WWOX: variants seen among roughly 807,000 people sequenced by gnomAD.
WWOX encodes the protein WW domain-containing oxidoreductase.
Under a neutral mutation model 46.2 loss-of-function variants are expected in WWOX, and 69 were observed. The observed-to-expected ratio is 1.49, with a 90% CI of 1.23 to 1.82. WWOX has a LOEUF of 1.82. Among genes scored for constraint, WWOX ranks in the 40% most tolerant of loss-of-function variants. The pLI, the probability that WWOX is intolerant of heterozygous loss-of-function variation, is 0.00. For missense variants in WWOX, 919 were observed against 542.6 expected (o/e 1.69, Z -6.89); for synonymous variants, 359 against 202.6 (o/e 1.77, Z -6.56).
chr16:78,741,975 C>G (rs748804172), intron 8 of WWOX, among the ~76,000 whole-genome samples: 2 of 152,198 alleles, frequency 1.3e-5, no homozygotes, highest in African/African-American at 4.8e-5. Flanking sequence ...ATCTCTGTCT[C>G]TCTCCCTCCT....
chr16:78,615,851 C>T (rs569210541), intron 8 of WWOX, among the ~76,000 whole-genome samples: 304 of 151,698 alleles, frequency 2.0e-3, no homozygotes, highest in Non-Finnish European at 3.0e-3. Context: ...CCCGAGTTCA[C>T]GCCATTCTCC....
At chr16:78,724,191 C>A (rs2048768911) in intron 8 of WWOX, among the ~76,000 whole-genome samples, 1 of 152,144 alleles carries the variant, frequency 6.6e-6, no homozygotes, top group Non-Finnish European at 1.5e-5. Context: ...CATTTATAAC[C>A]TGTAATTAAA....
At chr16:79,008,590 C>G (rs2047237672) in intron 8 of WWOX, among the ~76,000 whole-genome samples, 1 of 152,150 alleles carries the variant, frequency 6.6e-6, no homozygotes, top group South Asian at 2.1e-4. Context: ...GATGTTGAAA[C>G]TGAGACTTAG....
At chr16:79,022,746 C>G (rs1475939638) in intron 8 of WWOX, among the ~76,000 whole-genome samples, 7 of 152,214 alleles carry the variant, frequency 4.6e-5, no homozygotes, top group Non-Finnish European at 8.8e-5. Context: ...TGGCCCCCCA[C>G]CAAGCCCGGA....
At chr16:78,509,066 G>C (rs964337664) in intron 8 of WWOX, among the ~76,000 whole-genome samples, 1 of 152,256 alleles carries the variant, frequency 6.6e-6, no homozygotes, top group African/African-American at 2.4e-5. Context: ...CCCTTGCACA[G>C]TGGGCACTGT....
At chr16:78,606,708 C>A (rs911992725) in intron 8 of WWOX, among the ~76,000 whole-genome samples, 2 of 145,916 alleles carry the variant, frequency 1.4e-5, no homozygotes, top group African/African-American at 5.2e-5. Flanking sequence ...GGCATTTCCC[C>A]AGAATTGCAG....
At chr16:78,606,933 G>A (rs1037137009) in intron 8 of WWOX, among the ~76,000 whole-genome samples, 9 of 151,996 alleles carry the variant, frequency 5.9e-5, no homozygotes, top group African/African-American at 2.2e-4. Context: ...GGTTCACATC[G>A]CTGATTAATT....
At chr16:78,114,546 T>G (rs1019880786) in intron 3 of WWOX, among the ~76,000 whole-genome samples, 1 of 152,176 alleles carries the variant, frequency 6.6e-6, no homozygotes, top group Non-Finnish European at 1.5e-5. Flanking sequence ...AACTAAGACT[T>G]TATCATTTTG....
rs1392769646 is a variant in WWOX, at chr16:78,340,806, C to A, written c.517-46054C>A. ...CCAAGTGAGGGGGAGAGTTCTGAGT[C>A]TCTGCATTCAGTAGGTAAACATTTA... On this transcript the variant is annotated intron_variant, in intron 5 of 8. Transcript: ENST00000566780. Among the ~76,000 whole-genome samples, 2 of 118,088 alleles carry A rather than the reference C, an allele frequency of 1.7e-5. 1 individual carries two copies. Among genetic ancestry groups the A allele is most frequent in the Non-Finnish European group, 4.0e-5 (2 of 49,854 alleles). The allele number at this position is 118,088 out of a possible 152,430, so 77.5% of individuals were successfully genotyped here. A position where few individuals can be genotyped will look rare whatever the true frequency, so the allele number is the denominator to read the frequency against.
At chr16:79,064,680 G>C (rs779226497) in intron 8 of WWOX, among the ~76,000 whole-genome samples, 1 of 152,214 alleles carries the variant, frequency 6.6e-6, no homozygotes. Flanking sequence ...GATTAAATGA[G>C]AGATGGTGAC....
chr16:78,969,778 A>C (rs959096364), intron 8 of WWOX, among the ~76,000 whole-genome samples: 1 of 152,224 alleles, frequency 6.6e-6, no homozygotes, highest in Non-Finnish European at 1.5e-5. Flanking sequence ...TTTCATTTAC[A>C]TGAAATACCC....
intron 8 of WWOX, among the ~76,000 whole-genome samples, chr16:78,847,195 T>G (rs1422496441): frequency 6.6e-6 from 1 of 152,238 alleles, no homozygotes; most frequent in Non-Finnish European, 1.5e-5. Context: ...AGAACTAAGA[T>G]CTAGGTGCTA....
chr16:79,093,065 TAAAG>T (rs2048996893), intron 8 of WWOX, among the ~76,000 whole-genome samples: 1 of 152,192 alleles, frequency 6.6e-6, no homozygotes, highest in Admixed American at 6.5e-5. Flanking sequence ...TCAACAGCTG[TAAAG>T]AAAGATGCTG....
intron 8 of WWOX, among the ~76,000 whole-genome samples, chr16:78,677,495 C>T (rs1053430812): frequency 6.6e-6 from 1 of 152,180 alleles, no homozygotes; most frequent in African/African-American, 2.4e-5. Context: ...GGTCAAACAT[C>T]CTGAGCCTGT....
intron 8 of WWOX, among the ~76,000 whole-genome samples, chr16:79,035,285 G>A (rs886933454): frequency 6.6e-6 from 1 of 152,154 alleles, no homozygotes; most frequent in African/African-American, 2.4e-5. Flanking sequence ...TGGAAACCCA[G>A]TCCATCTCTA....
chr16:78,895,990 C>CT (rs915177117), intron 8 of WWOX: 2 of 152,072 alleles, frequency 1.3e-5, no homozygotes, highest in African/African-American at 4.8e-5. Context: ...ATTCCACTGT[C>CT]TTTTTTGAGA....
chr16:78,528,466 A>G (rs2043536926), intron 8 of WWOX, among the ~76,000 whole-genome samples: 1 of 152,110 alleles, frequency 6.6e-6, no homozygotes, highest in Admixed American at 6.5e-5. Context: ...TGTTGCCAGT[A>G]AAAACATGAG....
At chr16:78,909,085 A>G (rs538834001) in intron 8 of WWOX, among the ~76,000 whole-genome samples, 1 of 152,368 alleles carries the variant, frequency 6.6e-6, no homozygotes, top group African/African-American at 2.4e-5. Context: ...AAAGTTAGTT[A>G]GTCCTACAAC....
intron 8 of WWOX, among the ~76,000 whole-genome samples, chr16:79,098,935 A>G (rs2049133542): frequency 6.6e-6 from 1 of 152,174 alleles, no homozygotes; most frequent in African/African-American, 2.4e-5. Flanking sequence ...AGACTGGGTA[A>G]TTCATAAAGA....
Sources: gnomAD v4.1 joint callset for allele counts (sites outside exome capture counted in the v4.1 genomes callset) on GRCh38, gnomAD v4.1.1 for gene constraint, MANE v1.5 for transcripts, NCBI Gene and HGNC (gene_info 2026-07-23, HGNC 2026-07-21) for gene names.